The following TTLL4 variants were observed in gnomAD, a reference collection of about 807,000 sequenced individuals.
TTLL4 encodes tubulin tyrosine ligase like 4.
Under a neutral mutation model 122.7 loss-of-function variants are expected in TTLL4, and 85 were observed. That is an observed-to-expected ratio of 0.69 (90% CI 0.58 to 0.83). The LOEUF (loss-of-function observed/expected upper bound fraction) is 0.83. Among genes scored for constraint, TTLL4 ranks in the 40% least tolerant of loss-of-function variants. The probability of loss-of-function intolerance (pLI) is 0.00; values close to 1 mark genes in which losing one functional copy is unlikely to be tolerated. For synonymous variants in TTLL4, 553 were observed against 563.0 expected, an observed-to-expected ratio of 0.98 and a Z score of 0.25; for missense variants, 1,363 against 1,488.6, an observed-to-expected ratio of 0.92 and a Z score of 1.39.
Position 218,747,005 on chromosome 2 carries a change from A to G in TTLL4, c.1977A>G (p.Leu659=), listed in dbSNP as rs936516049. 1.9e-6 allele frequency: 3 copies of G among 1,613,994 alleles called. No individual in the cohort carries two copies. The highest frequency in any genetic ancestry group is 2.5e-6 in the Non-Finnish European group (3 of 1,179,944). ...ACTCACCCTTTTCCCTTTTGTAGCT[A>G]AACCATTTCCCAGGCTCATTCCAGA... ...SFRSIREHQK[L]NHFPGSFQIG... is the part of the protein sequence containing the mutation. Residue 659 remains leucine, a splice_region_variant and synonymous_variant, in exon 9 of 20, where the codon CTA becomes CTG. Transcript: ENST00000392102. The surrounding 1 kb of genome is among the most constrained non-coding windows in gnomAD (Gnocchi z 4.7).
intron 2 of TTLL4, among the ~76,000 whole-genome samples, chr2:218,731,893 A>G (rs140491624): frequency 2.6e-4 from 39 of 152,330 alleles, no homozygotes; most frequent in African/African-American, 8.4e-4. Flanking sequence ...GTTTTCTTCT[A>G]AACTTGAACT....
At chr2:218,723,489 C>G (rs1942102799) in intron 1 of TTLL4, among the ~76,000 whole-genome samples, 1 of 152,146 alleles carries the variant, frequency 6.6e-6, no homozygotes, top group Non-Finnish European at 1.5e-5. Flanking sequence ...ATATGCCTTC[C>G]CTTGAACTCC....
chr2:218,748,181 G>T lies in TTLL4; in HGVS notation c.2455G>T (p.Glu819Ter). 6.2e-7 allele frequency: 1 copy of T among 1,614,140 alleles called. No individual in the cohort carries two copies. The highest frequency in any genetic ancestry group is 8.5e-7 in the Non-Finnish European group (1 of 1,180,022). The part of the protein sequence containing the change: ...TNYSVNKKNA[E>*]YQANADEMAC... Reference sequence around the variant, plus strand: ...CTACAGTGTCAATAAAAAGAATGCCGAGTACCAGGCCAATGCAGATGAAAT... The same window carrying T: ...CTACAGTGTCAATAAAAAGAATGCCTAGTACCAGGCCAATGCAGATGAAAT... Residue 819 changes from glutamate (E) to a stop codon, truncating the protein, a stop_gained, in exon 12 of 20, where the codon GAG (glutamate) becomes TAG (stop). Coordinates refer to ENST00000392102, the MANE Select transcript of TTLL4 (RefSeq NM_014640.5). LOFTEE classifies it high-confidence loss of function.
chr2:218,713,361 T>TC (rs1201588936), intron 1 of TTLL4, among the ~76,000 whole-genome samples: 3 of 152,284 alleles, frequency 2.0e-5, no homozygotes, highest in Middle Eastern at 3.4e-3. Flanking sequence ...CACTGTAAAC[T>TC]CCAACTCCTG....
Position 218,747,644 on chromosome 2 carries a change from G to C in TTLL4, c.2297G>C (p.Arg766Pro), listed in dbSNP as rs566789467. The change falls in exon 11 of 20, where the codon CGG (arginine) becomes CCG (proline). Residue 766 changes from arginine (R) to proline (P), a missense_variant. By Grantham distance (103) the Arg-to-Pro change is moderately radical. Coordinates refer to ENST00000392102, the MANE Select transcript of TTLL4 (RefSeq NM_014640.5). This position sits in a 1 kb window ranked among gnomAD's most constrained non-coding sequence, Gnocchi z 4.7. ...ATCAGCGGCAGCAAGTTTGACCTGC[G>C]GATCTATGTTTATGTCACTTCCTAC... ...YLISGSKFDL[R>P]IYVYVTSYDP... 1 of 1,614,134 alleles carries C rather than the reference G, an allele frequency of 6.2e-7. No homozygotes were observed. Among genetic ancestry groups the C allele is most frequent in the Admixed American group, 1.7e-5 (1 of 60,006 alleles).
downstream of TTLL4, among the ~76,000 whole-genome samples, chr2:218,758,264 G>A (rs1288674401): frequency 6.6e-6 from 1 of 152,148 alleles, no homozygotes; most frequent in Non-Finnish European, 1.5e-5. Flanking sequence ...GCCAGGGACT[G>A]CCACAGGCAA....
chr2:218,743,288 C>T (rs1197950776), intron 5 of TTLL4, among the ~76,000 whole-genome samples: 1 of 152,234 alleles, frequency 6.6e-6, no homozygotes, highest in Admixed American at 6.5e-5. Context: ...CAGATAGAAT[C>T]ACAGCAGTAT....
intron 16 of TTLL4, 42 bp from the exon 17 acceptor site, chr2:218,752,721 C>A: frequency 3.1e-6 from 5 of 1,606,940 alleles, no homozygotes; most frequent in Non-Finnish European, 4.3e-6. Context: ...CCCTGGCTTA[C>A]ACTCTCTCAC....
intron 1 of TTLL4, among the ~76,000 whole-genome samples, chr2:218,721,422 C>T (rs1654524379): frequency 6.6e-6 from 1 of 152,188 alleles, no homozygotes; most frequent in East Asian, 1.9e-4. Context: ...ACAACCTGTG[C>T]CTTGCAATTG....
At chr2:218,716,933 T>C (rs1158577835) in intron 1 of TTLL4, among the ~76,000 whole-genome samples, 1 of 152,230 alleles carries the variant, frequency 6.6e-6, no homozygotes, top group Non-Finnish European at 1.5e-5. Flanking sequence ...TTACTCATTA[T>C]TGCTTTTGCT....
intron 5 of TTLL4, among the ~76,000 whole-genome samples, chr2:218,743,759 A>G (rs1007501195): frequency 6.6e-6 from 1 of 151,970 alleles, no homozygotes; most frequent in South Asian, 2.1e-4. Flanking sequence ...GGCTCATTGC[A>G]ACTTCTGCCT....
At chr2:218,742,952 A>G (rs1331253724) in intron 5 of TTLL4, among the ~76,000 whole-genome samples, 3 of 152,032 alleles carry the variant, frequency 2.0e-5, no homozygotes, top group Non-Finnish European at 2.9e-5. Flanking sequence ...GTGAAACCCC[A>G]TGTTTTACTA....
intron 16 of TTLL4, among the ~76,000 whole-genome samples, chr2:218,752,266 A>T (rs1943042284): frequency 6.6e-6 from 1 of 152,326 alleles, no homozygotes; most frequent in Admixed American, 6.5e-5. Flanking sequence ...CCTCTGATGC[A>T]CAGAGATTTG....
rs1293716146 is a variant in TTLL4, at chr2:218,747,422, T to A, written c.2249+50T>A. On this transcript the variant is annotated intron_variant, in intron 10 of 19. Transcript: ENST00000392102. The surrounding 1 kb of genome is among the most constrained non-coding windows in gnomAD (Gnocchi z 4.7). ...ACCCCATCCTCCCACCTCCTTGGCC[T>A]CGAGGTTCCCTTCTTACAATGTTCT... 6.3e-7 allele frequency: 1 copy of A among 1,599,064 alleles called. No homozygotes were observed. Among genetic ancestry groups the A allele is most frequent in the East Asian group, 2.2e-5 (1 of 44,742 alleles).
At chr2:218,734,458 T>C (rs1049689885) in intron 2 of TTLL4, among the ~76,000 whole-genome samples, 33 of 152,208 alleles carry the variant, frequency 2.2e-4, no homozygotes, top group African/African-American at 7.2e-4. Context: ...TTGAAGCTAA[T>C]GTTCTGTGAG....
intron 5 of TTLL4, among the ~76,000 whole-genome samples, chr2:218,744,063 G>T (rs986864624): frequency 1.3e-5 from 2 of 152,176 alleles, no homozygotes; most frequent in African/African-American, 4.8e-5. Context: ...AAAAGCCTTT[G>T]AAGAAAAAGT....
chr2:218,729,495 G>A (rs1942295917), intron 2 of TTLL4, among the ~76,000 whole-genome samples: 1 of 151,978 alleles, frequency 6.6e-6, no homozygotes, highest in African/African-American at 2.4e-5. Flanking sequence ...GAAGAGTGAA[G>A]CCAGCTTGCT....
Position 218,747,228 on chromosome 2 carries a change from C to T in TTLL4, c.2166+34C>T. ...ATCACAGTGGGCAGGAGACTATGGT[C>T]TGTGAGTGGGAACAACAGAGTATTG... On this transcript the variant is annotated intron_variant, in intron 9 of 19. Coordinates refer to ENST00000392102, the MANE Select transcript of TTLL4 (RefSeq NM_014640.5). The surrounding 1 kb of genome is among the most constrained non-coding windows in gnomAD (Gnocchi z 4.7). The T allele has an allele frequency of 6.2e-7, 1 of 1,614,110 alleles. No homozygotes were observed.
Position 218,747,807 on chromosome 2 carries a change from A to G in TTLL4, c.2378+82A>G. On this transcript the variant is annotated intron_variant, in intron 11 of 19. Coordinates refer to ENST00000392102, the MANE Select transcript of TTLL4 (RefSeq NM_014640.5). The surrounding 1 kb of genome is among the most constrained non-coding windows in gnomAD (Gnocchi z 4.7). ...AGGGAGGGAAACTAGAAGACACCAA[A>G]CAGAAAAATAGTTTTTGTTAGCAAG... 1 of 1,566,648 alleles carries G rather than the reference A, an allele frequency of 6.4e-7. No individual in the cohort carries two copies. The highest frequency in any genetic ancestry group is 8.7e-7 in the Non-Finnish European group (1 of 1,151,798).
Sources: allele counts gnomAD v4.1 joint callset (sites outside exome capture counted in the v4.1 genomes callset), GRCh38; gene constraint gnomAD v4.1.1; non-coding constraint Gnocchi (gnomAD v3.1); transcripts MANE v1.5; gene names NCBI Gene and HGNC (gene_info 2026-07-23, HGNC 2026-07-21).